IGLON5: variants seen among roughly 807,000 people sequenced by gnomAD.
The protein encoded by IGLON5 is IgLON family member 5.
IGLON5 carries 16 observed loss-of-function variants against 38.2 expected under a neutral mutation model. That is an observed-to-expected ratio of 0.42 (90% CI 0.28 to 0.64). The LOEUF is 0.64. Among genes scored for constraint, IGLON5 ranks in the 30% least tolerant of loss-of-function variants. The probability of loss-of-function intolerance (pLI) is 0.23; values close to 1 mark genes in which losing one functional copy is unlikely to be tolerated. For missense variants in IGLON5, 366 were observed against 483.4 expected, an observed-to-expected ratio of 0.76 and a Z score of 2.28; for synonymous variants, 207 against 216.4, an observed-to-expected ratio of 0.96 and a Z score of 0.38.
At chr19:51,320,118 G>A (rs1175777855) in intron 1 of IGLON5, among the ~76,000 whole-genome samples, 1 of 152,154 alleles carries the variant, frequency 6.6e-6, no homozygotes, top group Admixed American at 6.5e-5. Context: ...GCTGCGTGTA[G>A]CAGTGTCCAC....
Position 51,321,946 on chromosome 19 carries a change from C to T in IGLON5, c.80-118C>T, listed in dbSNP as rs1413830399. The T allele has an allele frequency of 3.7e-6, 3 of 807,236 alleles. No individual in the cohort carries two copies. The Admixed American group carries it at 5.5e-5, about 15-fold the overall frequency. 50.0% of individuals were successfully genotyped at this position (807,236 alleles called of 1,614,324 possible). ...GTGCACGTGTGGTGCATGTGTGTGG[C>T]AGCGGGTGCAGGAGACGTCTGTGTC... On this transcript the variant is annotated intron_variant, in intron 1 of 7. Transcript: ENST00000270642.
chr19:51,314,346 G>A (rs1599821878), intron 1 of IGLON5, among the ~76,000 whole-genome samples: 2 of 152,080 alleles, frequency 1.3e-5, no homozygotes, highest in Admixed American at 1.3e-4. Context: ...ACCACGCTGG[G>A]CTAATTTTTG....
rs201853282 is a variant in IGLON5 at position 51,328,785 on chromosome 19, C to T, written c.*26C>T. ...GCGCAACCCAGTGGAGCTCACCTCC[C>T]CCTGCAGGGGGCCTCAGGCCAAGAG... On this transcript the variant is annotated 3_prime_UTR_variant, in exon 8 of 8. Coordinates refer to ENST00000270642, the MANE Select transcript of IGLON5 (RefSeq NM_001101372.3). 1.7e-4 allele frequency: 263 copies of T among 1,539,556 alleles called. 1 individual carries two copies. In the African/African-American group the frequency reaches 3.3e-3, roughly 19 times the overall value.
rs868328094 is a variant in IGLON5, at chr19:51,315,832, A to T, written c.79+3906A>T. On this transcript the variant is annotated intron_variant, in intron 1 of 7. Coordinates refer to ENST00000270642, the MANE Select transcript of IGLON5 (RefSeq NM_001101372.3). ...TGCCTCAGCCTCCCAAGTAGCTGGG[A>T]CTACAGGCGCCCACCACCACGCCTG... Among the ~76,000 whole-genome samples the T allele has an allele frequency of 1.5e-4, 23 of 150,946 alleles. No homozygotes were observed. The Middle Eastern group carries it at 0.017, about 113-fold the overall frequency.
In IGLON5 at chr19:51,325,183, G is replaced by A. The variant is rs1362680623; in HGVS notation, c.392-163G>A. On this transcript the variant is annotated intron_variant, in intron 3 of 7. Coordinates refer to ENST00000270642, the MANE Select transcript of IGLON5 (RefSeq NM_001101372.3). This position sits in a 1 kb window ranked among gnomAD's most constrained non-coding sequence, Gnocchi z 5.5. ...TTGGGTCTGAGGGAAGAGGAACTGC[G>A]GGTCTGAACTCCCGGGTCTGAGGGA... Among the ~76,000 whole-genome samples, 3 of 151,216 alleles carry A rather than the reference G, an allele frequency of 2.0e-5. No individual in the cohort carries two copies. Among genetic ancestry groups the A allele is most frequent in the Admixed American group, 2.0e-4 (3 of 15,200 alleles).
At chr19:51,314,114 T>A (rs1984851757) in intron 1 of IGLON5, among the ~76,000 whole-genome samples, 1 of 151,692 alleles carries the variant, frequency 6.6e-6, no homozygotes, top group Admixed American at 6.6e-5. Flanking sequence ...TTGTGACCTT[T>A]CCCCCACTTT....
At chr19:51,319,607 T>C (rs991152105) in intron 1 of IGLON5, among the ~76,000 whole-genome samples, 1 of 152,060 alleles carries the variant, frequency 6.6e-6, no homozygotes, top group Non-Finnish European at 1.5e-5. Context: ...TTTGCAGCCA[T>C]GTGTGGGGCT....
Position 51,325,244 on chromosome 19 carries a change from G to A in IGLON5, c.392-102G>A. The A allele has an allele frequency of 6.7e-7, 1 of 1,502,512 alleles. No homozygotes were observed. The allele number at this position is 1,502,512 out of a possible 1,614,324, so 93.1% of individuals were successfully genotyped here. On this transcript the variant is annotated intron_variant, in intron 3 of 7. Transcript: ENST00000270642. The surrounding 1 kb of genome is among the most constrained non-coding windows in gnomAD (Gnocchi z 5.5). ...GGGGTCTGAACTCCTGGGTCTGAGG[G>A]AGGAGGAGGGGCTGGGGGTCTGGAC...
At chr19:51,316,181 A>G (rs2123513955) in intron 1 of IGLON5, among the ~76,000 whole-genome samples, 1 of 64,422 alleles carries the variant, frequency 1.6e-5, no homozygotes, top group South Asian at 3.6e-4. Flanking sequence ...CCCCATATCT[A>G]CAAAAAAAAA....
At chr19:51,323,552 G>C in intron 2 of IGLON5, 110 bp from the exon 3 acceptor site, 1 of 850,680 alleles carries the variant, frequency 1.2e-6, no homozygotes, top group South Asian at 1.6e-5. Context: ...TCACAGGGCT[G>C]TGGTGGGACC....
intron 7 of IGLON5, 57 bp from the exon 8 acceptor site, chr19:51,328,614 C>G (rs1599829260): frequency 6.9e-6 from 8 of 1,163,858 alleles, no homozygotes; most frequent in South Asian, 3.1e-5. Context: ...CCTGGAGAGA[C>G]ACACATGGGG....
chr19:51,317,713 C>T (rs1250712231), intron 1 of IGLON5, among the ~76,000 whole-genome samples: 1 of 152,204 alleles, frequency 6.6e-6, no homozygotes, highest in Non-Finnish European at 1.5e-5. Context: ...AAAGAAGGTG[C>T]TGTTAGGAAC....
chr19:51,322,638 CCTCTT>C (rs1985096157), intron 2 of IGLON5, among the ~76,000 whole-genome samples: 2 of 149,510 alleles, frequency 1.3e-5, no homozygotes, highest in South Asian at 2.2e-4. Context: ...CTCTGTCCCC[CCTCTT>C]TCTCTGGGTC....
intron 1 of IGLON5, among the ~76,000 whole-genome samples, chr19:51,313,647 T>TTTCTTTC (rs1984831615): frequency 2.0e-4 from 23 of 116,274 alleles, no homozygotes; most frequent in East Asian, 4.9e-4. Context: ...CTCTCTCTCT[T>TTTCTTTC]TTTCTTTCTT....
Sources: gnomAD v4.1 joint callset for allele counts (sites outside exome capture counted in the v4.1 genomes callset) on GRCh38, gnomAD v4.1.1 for gene constraint, Gnocchi (gnomAD v3.1) non-coding constraint, MANE v1.5 for transcripts, NCBI Gene and HGNC (gene_info 2026-07-23, HGNC 2026-07-21) for gene names.